TTC3: variants seen among roughly 807,000 people sequenced by gnomAD.
TTC3 encodes the protein E3 ubiquitin-protein ligase TTC3.
In TTC3, 180 loss-of-function variants were observed where a neutral mutation model predicts 249.6. That is an observed-to-expected ratio of 0.72 (90% CI 0.64 to 0.82). The LOEUF (loss-of-function observed/expected upper bound fraction) is 0.82, where lower values mean the gene tolerates loss of function less well. Among genes scored for constraint, TTC3 ranks in the 40% least tolerant of loss-of-function variants. TTC3 has a pLI of 0.00. For missense variants in TTC3, 2,061 were observed against 2,398.4 expected (o/e 0.86, Z 2.94); for synonymous variants, 717 against 805.0 (o/e 0.89, Z 1.85).
intron 30 of TTC3, 82 bp downstream of exon 30, chr21:37,160,940 CT>C: frequency 1.5e-6 from 2 of 1,358,030 alleles, no homozygotes; most frequent in Non-Finnish European, 2.0e-6. Flanking sequence ...TTGAGCAATT[CT>C]TGGGATATTT....
At chr21:37,147,727 C>A in intron 22 of TTC3, 124 bp downstream of exon 22, 1 of 1,214,390 alleles carries the variant, frequency 8.2e-7, no homozygotes, top group South Asian at 1.5e-5. Flanking sequence ...ACCCCTTTCC[C>A]AGGATTTTTT....
intron 10 of TTC3, among the ~76,000 whole-genome samples, chr21:37,105,854 C>T (rs965532553): frequency 5.3e-5 from 8 of 152,182 alleles, no homozygotes; most frequent in African/African-American, 1.9e-4. Flanking sequence ...CACATTTTAT[C>T]CATTCTATTG....
chr21:37,188,679 G>A, intron 39 of TTC3, 84 bp downstream of exon 39: 2 of 973,396 alleles, frequency 2.1e-6, no homozygotes, highest in South Asian at 1.8e-5. Flanking sequence ...TTTTGTATTA[G>A]GACCATTTTA....
intron 32 of TTC3, among the ~76,000 whole-genome samples, chr21:37,165,146 C>G (rs529287910): frequency 6.6e-6 from 1 of 152,138 alleles, no homozygotes; most frequent in Non-Finnish European, 1.5e-5. Context: ...ATTTACTGTA[C>G]GCAAATTCAA....
chr21:37,074,299 C>T lies in TTC3; in HGVS notation c.-12+935C>T, dbSNP rs909845613. Among the ~76,000 whole-genome samples the T allele has an allele frequency of 5.9e-5, 9 of 152,334 alleles. No homozygotes were observed. The East Asian group carries it at 1.7e-3, about 29-fold the overall frequency. On this transcript the variant is annotated intron_variant, in intron 1 of 45. Transcript: ENST00000355666. ...GCAGTGTTGACGCTGCCAGTGTGGC[C>T]TCTTCAGCCAGCCTGTTCAGGAGAC...
At chr21:37,096,344 A>G (rs184227685) in intron 9 of TTC3, among the ~76,000 whole-genome samples, 2 of 152,332 alleles carry the variant, frequency 1.3e-5, no homozygotes, top group East Asian at 3.9e-4. Flanking sequence ...TAGAGCAACT[A>G]GAGTTATCTT....
chr21:37,176,662 A>G (rs1413610166), intron 35 of TTC3, among the ~76,000 whole-genome samples: 1 of 152,206 alleles, frequency 6.6e-6, no homozygotes. Flanking sequence ...TGCCACACTC[A>G]ATTGTTTTTA....
At chr21:37,177,692 T>C (rs1429543273) in intron 35 of TTC3, among the ~76,000 whole-genome samples, 1 of 152,210 alleles carries the variant, frequency 6.6e-6, no homozygotes, top group Non-Finnish European at 1.5e-5. Context: ...TGCTTCTCCT[T>C]TGGGCATCAC....
chr21:37,169,858 A>C (rs529677056), intron 34 of TTC3, among the ~76,000 whole-genome samples: 23 of 151,990 alleles, frequency 1.5e-4, no homozygotes, highest in East Asian at 3.9e-4. Context: ...AAAAAAAAAA[A>C]AACAAAAAAC....
chr21:37,192,060 A>C (rs368008851), intron 40 of TTC3, 52 bp from the exon 41 acceptor site: 161 of 1,144,260 alleles, frequency 1.4e-4, no homozygotes, highest in Non-Finnish European at 1.9e-4. Flanking sequence ...AGGAAGAAAC[A>C]AAGTATTAAT....
intron 14 of TTC3, 117 bp downstream of exon 14, chr21:37,124,859 T>C (rs145020930): frequency 1.1e-6 from 1 of 906,464 alleles, no homozygotes; most frequent in African/African-American, 1.7e-5. Flanking sequence ...TTTTTGCCTA[T>C]TGTTACTGAA....
At chr21:37,195,640 C>T (rs779291378) in intron 41 of TTC3, 35 bp from the exon 42 acceptor site, 2 of 1,559,748 alleles carry the variant, frequency 1.3e-6, no homozygotes, top group Non-Finnish European at 1.7e-6. Flanking sequence ...CAAGGGAAGC[C>T]CTAAGTGATC....
In TTC3 at chr21:37,188,682, C is replaced by T. The variant is rs1317223342; in HGVS notation, c.5024+87C>T. 2.2e-5 allele frequency: 21 copies of T among 937,076 alleles called. No individual in the cohort carries two copies. The East Asian group carries it at 5.1e-4, about 23-fold the overall frequency. 58.0% of individuals were successfully genotyped at this position (937,076 alleles called of 1,614,324 possible). A position where few individuals can be genotyped will look rare whatever the true frequency, so the allele number is the denominator to read the frequency against. ...AGAAAAACATTATTTTGTATTAGGA[C>T]CATTTTATTTTTAATAGTTATATAA... On this transcript the variant is annotated intron_variant, in intron 39 of 45. Coordinates refer to ENST00000355666, the Ensembl canonical transcript of TTC3.
At position 37,195,948 on chromosome 21, in the gene TTC3, G is replaced by A. The variant is rs756372169; in HGVS notation, c.5491G>A (p.Gly1831Arg). 1.2e-4 allele frequency: 186 copies of A among 1,614,122 alleles called. No individual in the cohort carries two copies. Among genetic ancestry groups the A allele is most frequent in the Non-Finnish European group, 1.5e-4 (180 of 1,180,052 alleles). The change falls in exon 42 of 46, where the codon GGA becomes AGA. Residue 1831 changes from glycine (G) to arginine (R), a missense_variant. By Grantham distance (125) the Gly-to-Arg change is moderately radical (BLOSUM62 -2). Coordinates refer to ENST00000355666, the Ensembl canonical transcript of TTC3. ...TGATCGGAAGCAGCCTGTTCCTCCA[G>A]GACGTGCTGCGCGTTCAAGCCAGTC...
rs2076616867 is a variant in TTC3, at chr21:37,121,940, C to T, written c.1024C>T (p.Gln342Ter). 1 of 1,611,720 alleles carries T rather than the reference C, an allele frequency of 6.2e-7. No homozygotes were observed. Among genetic ancestry groups the T allele is most frequent in the Admixed American group, 1.7e-5 (1 of 59,660 alleles). ...TGAGGGAATCAAGGATCTAATTCAG[C>T]AGCATGTAAAGTTACAAAAACAAAT... Residue 342 changes from glutamine to a stop codon, truncating the protein, a stop_gained, in exon 12 of 46, where the codon CAG becomes TAG. Transcript: ENST00000355666. LOFTEE classifies it high-confidence loss of function.
chr21:37,176,547 T>C (rs1293153163), intron 35 of TTC3, among the ~76,000 whole-genome samples: 1 of 152,218 alleles, frequency 6.6e-6, no homozygotes, highest in Non-Finnish European at 1.5e-5. Context: ...CTGCCAAAAC[T>C]TCCTCAGCCC....
intron 41 of TTC3, among the ~76,000 whole-genome samples, chr21:37,193,220 C>G (rs2084405534): frequency 2.0e-5 from 1 of 49,524 alleles, no homozygotes; most frequent in African/African-American, 9.0e-5. Flanking sequence ...TCCTGCCTTC[C>G]CCTGAAACCC....
chr21:37,104,347 T>C (rs2074837073), intron 10 of TTC3, among the ~76,000 whole-genome samples: 1 of 152,046 alleles, frequency 6.6e-6, no homozygotes, highest in Non-Finnish European at 1.5e-5. Flanking sequence ...CCCAGCACTT[T>C]GGGAGGCCGA....
intron 27 of TTC3, among the ~76,000 whole-genome samples, chr21:37,156,069 C>T (rs554774009): frequency 6.6e-6 from 1 of 151,450 alleles, no homozygotes; most frequent in Admixed American, 6.6e-5. Context: ...TAGGGTCTTG[C>T]CCCATCACCC....
Sources: gnomAD v4.1 joint callset for allele counts (sites outside exome capture counted in the v4.1 genomes callset) on GRCh38, gnomAD v4.1.1 for gene constraint, MANE v1.5 for transcripts, NCBI Gene and HGNC (gene_info 2026-07-23, HGNC 2026-07-21) for gene names.